The following AMD1 variants were observed in gnomAD, a reference collection of about 807,000 sequenced individuals.
AMD1 encodes S-adenosylmethionine decarboxylase proenzyme.
Under a neutral mutation model 40.2 loss-of-function variants are expected in AMD1, and 11 were observed. The observed-to-expected ratio is 0.27, with a 90% CI of 0.17 to 0.45. AMD1 has a LOEUF of 0.45. Ranked by LOEUF, AMD1 falls within the 20% of genes least tolerant of loss-of-function variation. The pLI is 1.00. For synonymous variants in AMD1, 121 were observed against 130.8 expected (o/e 0.93, Z 0.51); for missense variants, 257 against 410.2 (o/e 0.63, Z 3.23).
the AMD1 span, among the ~76,000 whole-genome samples, chr6:110,835,291 T>C: frequency 6.6e-6 from 1 of 152,008 alleles, no homozygotes; most frequent in East Asian, 2.0e-4. Flanking sequence ...GTGCTGGGAT[T>C]ACAGGCATGA....
the AMD1 span, among the ~76,000 whole-genome samples, chr6:110,855,301 C>T: frequency 6.6e-6 from 1 of 151,836 alleles, no homozygotes; most frequent in Non-Finnish European, 1.5e-5. Context: ...ATTAAATCTA[C>T]CAAAAAATTG....
At chr6:110,818,393 A>G in the AMD1 span, among the ~76,000 whole-genome samples, 1 of 152,186 alleles carries the variant, frequency 6.6e-6, no homozygotes, top group African/African-American at 2.4e-5. Flanking sequence ...TTGTTAAGAT[A>G]TAGGGTGTGG....
chr6:110,838,651 G>C, the AMD1 span, among the ~76,000 whole-genome samples: 2 of 151,980 alleles, frequency 1.3e-5, no homozygotes, highest in African/African-American at 4.8e-5. Flanking sequence ...CTGAGGTCAG[G>C]AGTTTCAGAC....
chr6:110,876,762 T>C (rs1785137748), intron 1 of AMD1, among the ~76,000 whole-genome samples: 1 of 151,372 alleles, frequency 6.6e-6, no homozygotes. Flanking sequence ...GTATTTGTGA[T>C]AGACGTTTGG....
At chr6:110,891,129 C>CT (rs1785995430) in intron 4 of AMD1, 1 of 152,188 alleles carries the variant, frequency 6.6e-6, no homozygotes, top group Admixed American at 6.5e-5. Flanking sequence ...ACAAGTTTCA[C>CT]TTTGTCTCCC....
rs1785860523 is a variant in AMD1 at position 110,888,964 on chromosome 6, G to T, written c.305G>T (p.Ser102Ile). Residue 102 changes from serine (S) to isoleucine (I), a missense_variant, in exon 3 of 9, where the codon AGT becomes ATT. By Grantham distance (142) the Ser-to-Ile change is moderately radical. Around this residue, in one of 3 missense-constraint regions of AMD1, gnomAD observed 192 missense variants for 296.5 expected, o/e 0.65. Coordinates refer to ENST00000368885, the MANE Select transcript of AMD1 (RefSeq NM_001634.6). ...VPLLKLARDY[S>I]GFDSIQSFFY... ...CTGTTGAAGCTTGCTAGGGATTACA[G>T]TGGGTTTGACTCAATTCAAGTAAGT... is the stretch of plus-strand genomic sequence containing the variant. 1 of 1,613,772 alleles carries T rather than the reference G, an allele frequency of 6.2e-7. No individual in the cohort carries two copies.
the AMD1 span, among the ~76,000 whole-genome samples, chr6:110,861,251 G>A: frequency 4.0e-5 from 6 of 151,520 alleles, no homozygotes; most frequent in South Asian, 6.3e-4. Context: ...CCAGCTACTC[G>A]GGAGGCTGAG....
the AMD1 span, among the ~76,000 whole-genome samples, chr6:110,820,910 C>T: frequency 6.6e-6 from 1 of 151,934 alleles, no homozygotes; most frequent in East Asian, 1.9e-4. Context: ...CAGGGCAAGA[C>T]TCCGTCTCAA....
At chr6:110,861,306 C>T in the AMD1 span, among the ~76,000 whole-genome samples, 2 of 150,384 alleles carry the variant, frequency 1.3e-5, no homozygotes, top group African/African-American at 4.9e-5. Flanking sequence ...TGCAGTGAGC[C>T]GAGATCATGC....
chr6:110,889,001 T>C lies in AMD1; in HGVS notation c.324+18T>C, dbSNP rs1426691479. On this transcript the variant is annotated intron_variant, in intron 3 of 8. Transcript: ENST00000368885. Reference sequence around the variant, plus strand: ...CAATTCAAGTAAGTAAGCAAACATTTAAATATTTTTCAGGCATAAATGTTA... The same window carrying C: ...CAATTCAAGTAAGTAAGCAAACATTCAAATATTTTTCAGGCATAAATGTTA... 4 of 1,608,466 alleles carry C rather than the reference T, an allele frequency of 2.5e-6. No homozygotes were observed. Among genetic ancestry groups the C allele is most frequent in the Admixed American group, 1.7e-5 (1 of 58,882 alleles).
chr6:110,860,646 A>C, the AMD1 span, among the ~76,000 whole-genome samples: 2 of 151,812 alleles, frequency 1.3e-5, no homozygotes, highest in Non-Finnish European at 2.9e-5. Context: ...TAAAAATACA[A>C]AAATGAGCCA....
At chr6:110,851,495 C>G in the AMD1 span, among the ~76,000 whole-genome samples, 1 of 151,678 alleles carries the variant, frequency 6.6e-6, no homozygotes, top group Non-Finnish European at 1.5e-5. Context: ...TGGAATGTTA[C>G]TCTGTCGCCC....
chr6:110,873,715 C>T (rs935819635), upstream of AMD1, among the ~76,000 whole-genome samples: 1 of 151,754 alleles, frequency 6.6e-6, no homozygotes, highest in African/African-American at 2.4e-5. Context: ...TTGACCATGG[C>T]TTGACGACTA....
At position 110,883,665 on chromosome 6, in the gene AMD1, C is replaced by T. The variant is rs568348392; in HGVS notation, c.111-3840C>T. On this transcript the variant is annotated intron_variant, in intron 1 of 8. Transcript: ENST00000368885. Reference sequence around the variant, plus strand: ...GGAGTGCAGTGACACGATCTCGGCTCACTGCAAGCTCCGCCTTCCGGGTTC... The same window carrying T: ...GGAGTGCAGTGACACGATCTCGGCTTACTGCAAGCTCCGCCTTCCGGGTTC... Among the ~76,000 whole-genome samples, 4 of 152,336 alleles carry T rather than the reference C, an allele frequency of 2.6e-5. No individual in the cohort carries two copies. In the East Asian group the frequency reaches 5.8e-4, roughly 22 times the overall value.
chr6:110,826,744 T>C, the AMD1 span, among the ~76,000 whole-genome samples: 14 of 149,098 alleles, frequency 9.4e-5, no homozygotes, highest in African/African-American at 3.5e-4. Context: ...CAGGCTGGAG[T>C]GCAGTGGCGA....
chr6:110,852,982 CTTT>C, the AMD1 span, among the ~76,000 whole-genome samples: 4,581 of 111,386 alleles, frequency 0.041, 216 homozygotes, highest in East Asian at 0.34. Context: ...TAATTAAGCA[CTTT>C]TTTTTTTTTT....
chr6:110,869,100 G>A, the AMD1 span, among the ~76,000 whole-genome samples: 1 of 151,944 alleles, frequency 6.6e-6, no homozygotes, highest in African/African-American at 2.4e-5. Context: ...TGTAATCTGA[G>A]GCATTACAGT....
chr6:110,844,249 G>T, the AMD1 span, among the ~76,000 whole-genome samples: 2 of 148,666 alleles, frequency 1.3e-5, no homozygotes, highest in Non-Finnish European at 3.0e-5. Flanking sequence ...AAGAAAGAAA[G>T]AAAGAGAATT....
the AMD1 span, among the ~76,000 whole-genome samples, chr6:110,820,196 A>C: frequency 1.1e-4 from 17 of 149,468 alleles, no homozygotes; most frequent in Middle Eastern, 3.5e-3. Context: ...ACTTGCTTTC[A>C]CTTTACTCTA....
Sources: allele counts gnomAD v4.1 joint callset (sites outside exome capture counted in the v4.1 genomes callset), GRCh38; gene constraint gnomAD v4.1.1; regional missense constraint gnomAD v4.1.1; transcripts MANE v1.5; gene names NCBI Gene and HGNC (gene_info 2026-07-23, HGNC 2026-07-21).